AGBL1: variants seen among roughly 807,000 people sequenced by gnomAD.
AGBL1 encodes the protein AGBL carboxypeptidase 1, also known as cytosolic carboxypeptidase 4.
AGBL1 carries 130 observed loss-of-function variants against 118.9 expected under a neutral mutation model. The ratio of observed to expected loss-of-function variants is 1.09; its 90% confidence interval spans 0.95 to 1.26. AGBL1 has a LOEUF of 1.26. Among genes scored for constraint, AGBL1 ranks in the 50% most tolerant of loss-of-function variants. AGBL1 has a pLI of 0.00. For missense variants in AGBL1, 1,584 were observed against 1,298.1 expected, an observed-to-expected ratio of 1.22 and a Z score of -3.38; for synonymous variants, 555 against 478.9, an observed-to-expected ratio of 1.16 and a Z score of -2.08.
At chr15:86,400,809 G>GATATAT (rs138525923) in intron 18 of AGBL1, among the ~76,000 whole-genome samples, 61 of 150,580 alleles carry the variant, frequency 4.1e-4, no homozygotes, top group African/African-American at 1.4e-3. Context: ...ATGCCATGCT[G>GATATAT]ATATATATAT....
intron 19 of AGBL1, among the ~76,000 whole-genome samples, chr15:86,543,406 T>C (rs1441031627): frequency 6.6e-6 from 1 of 152,244 alleles, no homozygotes; most frequent in Non-Finnish European, 1.5e-5. Context: ...AGTTGTGTTT[T>C]AGAGAAATTA....
At chr15:86,836,222 C>T (rs1042915721) in intron 22 of AGBL1, among the ~76,000 whole-genome samples, 16 of 152,028 alleles carry the variant, frequency 1.1e-4, no homozygotes, top group Admixed American at 8.5e-4. Flanking sequence ...CTCTGAAGTC[C>T]AATAGCTTAT....
intron 22 of AGBL1, among the ~76,000 whole-genome samples, chr15:86,758,307 C>G (rs2141266346): frequency 6.6e-6 from 1 of 152,190 alleles, no homozygotes; most frequent in South Asian, 2.1e-4. Context: ...AACTTCTTAA[C>G]AGCTTTCTGG....
chr15:86,101,920 C>T (rs1410204940), intron 1 of AGBL1, among the ~76,000 whole-genome samples: 1 of 152,000 alleles, frequency 6.6e-6, no homozygotes, highest in Non-Finnish European at 1.5e-5. Flanking sequence ...TATGAATTTA[C>T]TTCTGGTTGT....
At chr15:86,110,836 A>C (rs1027001231) in intron 1 of AGBL1, among the ~76,000 whole-genome samples, 1 of 152,222 alleles carries the variant, frequency 6.6e-6, no homozygotes, top group East Asian at 1.9e-4. Flanking sequence ...GAAGAGCCAG[A>C]GGAAATAGTT....
chr15:86,380,074 C>T (rs1431302830), intron 17 of AGBL1, among the ~76,000 whole-genome samples: 2 of 152,246 alleles, frequency 1.3e-5, no homozygotes, highest in East Asian at 1.9e-4. Context: ...AGAGGGATGT[C>T]GTTAGGCTTG....
intron 22 of AGBL1, among the ~76,000 whole-genome samples, chr15:86,743,528 G>A (rs1290694102): frequency 6.6e-6 from 1 of 152,096 alleles, no homozygotes; most frequent in Non-Finnish European, 1.5e-5. Flanking sequence ...CATAGTGCAT[G>A]TGGGATCTTC....
chr15:86,600,877 G>A (rs2084482559), intron 21 of AGBL1, among the ~76,000 whole-genome samples: 1 of 152,258 alleles, frequency 6.6e-6, no homozygotes, highest in South Asian at 2.1e-4. Flanking sequence ...AAACACTACT[G>A]CAGTATACCT....
intron 22 of AGBL1, among the ~76,000 whole-genome samples, chr15:86,724,501 T>A (rs2086789854): frequency 6.6e-6 from 1 of 152,030 alleles, no homozygotes; most frequent in Non-Finnish European, 1.5e-5. Flanking sequence ...GAAGGTATAA[T>A]CTTTTGGCCC....
intron 18 of AGBL1, among the ~76,000 whole-genome samples, chr15:86,468,103 G>T (rs1444535007): frequency 6.6e-6 from 1 of 152,084 alleles, no homozygotes; most frequent in East Asian, 1.9e-4. Context: ...TATATAATGA[G>T]AGTAGGGGGA....
At chr15:86,803,862 G>C (rs1254049602) in intron 22 of AGBL1, among the ~76,000 whole-genome samples, 1 of 152,134 alleles carries the variant, frequency 6.6e-6, no homozygotes, top group Non-Finnish European at 1.5e-5. Flanking sequence ...GTTGGGTAGA[G>C]ATCAGAGATG....
At chr15:86,175,740 G>A (rs1181483307) in intron 5 of AGBL1, among the ~76,000 whole-genome samples, 1 of 151,972 alleles carries the variant, frequency 6.6e-6, no homozygotes, top group African/African-American at 2.4e-5. Flanking sequence ...TTCCTTCTCA[G>A]TGTCTTCCTT....
chr15:86,224,946 A>C lies in AGBL1; in HGVS notation c.521A>C (p.Lys174Thr). 1 of 1,613,326 alleles carries C rather than the reference A, an allele frequency of 6.2e-7. No individual in the cohort carries two copies. Among genetic ancestry groups the C allele is most frequent in the South Asian group, 1.1e-5 (1 of 91,048 alleles). Residue 174 changes from lysine to threonine, a missense_variant, in exon 6 of 23, where the codon AAA (lysine) becomes ACA (threonine). By Grantham distance (78) the Lys-to-Thr change is moderately conservative. Coordinates refer to ENST00000614907, the MANE Select transcript of AGBL1 (RefSeq NM_001386094.1). ...AATEVLAALLKSKSNGRRAVN... is the reference protein window; with the variant it reads ...AATEVLAALLTSKSNGRRAVN... ...ACTGAAGTTTTGGCAGCATTGCTGA[A>C]ATCCAGTAAGCACCTCTTTTGAAGG... is the stretch of plus-strand genomic sequence containing the variant.
chr15:86,663,430 C>T (rs964506874), intron 21 of AGBL1, among the ~76,000 whole-genome samples: 3 of 152,082 alleles, frequency 2.0e-5, no homozygotes, highest in Non-Finnish European at 2.9e-5. Context: ...CATAGAGACC[C>T]AGGTCTAAAG....
At chr15:87,014,240 A>ATGTT (rs1395725259) in intron 24 of AGBL1, among the ~76,000 whole-genome samples, 1 of 151,228 alleles carries the variant, frequency 6.6e-6, no homozygotes, top group African/African-American at 2.4e-5. Context: ...TATATGTCTA[A>ATGTT]TGTTTTCACA....
chr15:86,861,648 C>T (rs972826342), intron 22 of AGBL1, among the ~76,000 whole-genome samples: 1 of 152,140 alleles, frequency 6.6e-6, no homozygotes, highest in Non-Finnish European at 1.5e-5. Flanking sequence ...AAGGATAAAA[C>T]AATATATTAG....
At chr15:86,690,873 A>T (rs1048485065) in intron 22 of AGBL1, among the ~76,000 whole-genome samples, 1 of 152,150 alleles carries the variant, frequency 6.6e-6, no homozygotes, top group Admixed American at 6.5e-5. Flanking sequence ...AGTAGAATGA[A>T]ACTGCAGGTG....
intron 19 of AGBL1, among the ~76,000 whole-genome samples, chr15:86,529,935 C>A (rs1397789229): frequency 7.3e-6 from 1 of 136,904 alleles, no homozygotes; most frequent in African/African-American, 3.1e-5. Context: ...ACCAGGCCTG[C>A]CCTAAAAGAG....
intron 21 of AGBL1, among the ~76,000 whole-genome samples, chr15:86,574,748 T>A (rs1000038985): frequency 2.6e-5 from 4 of 151,692 alleles, no homozygotes; most frequent in African/African-American, 9.7e-5. Context: ...TAGCTAATTT[T>A]TGTATTTTTA....
Sources: allele counts gnomAD v4.1 joint callset (sites outside exome capture counted in the v4.1 genomes callset), GRCh38; gene constraint gnomAD v4.1.1; transcripts MANE v1.5; gene names NCBI Gene and HGNC (gene_info 2026-07-23, HGNC 2026-07-21).